The following UCN3 variants were observed in gnomAD, a reference collection of about 807,000 sequenced individuals.
UCN3 encodes the protein urocortin-3.
In UCN3, 3 loss-of-function variants were observed where a neutral mutation model predicts 3.6. That is an observed-to-expected ratio of 0.83 (90% CI 0.38 to 2.15). UCN3 has a LOEUF of 2.15. Ranked by LOEUF, UCN3 falls within the 30% of genes most tolerant of loss-of-function variation. UCN3 has a pLI of 0.06. For missense variants in UCN3, 206 were observed against 208.3 expected, an observed-to-expected ratio of 0.99 and a Z score of 0.07; for synonymous variants, 100 against 93.2, an observed-to-expected ratio of 1.07 and a Z score of -0.42.
At chr10:5,372,223 G>C (rs1554811616) in intron 1 of UCN3, among the ~76,000 whole-genome samples, 21 of 152,218 alleles carry the variant, frequency 1.4e-4, no homozygotes, top group African/African-American at 5.1e-4. Context: ...ACTGCAGAAT[G>C]GTGGGTTTGA....
At chr10:5,369,600 A>G (rs1831304909) in intron 1 of UCN3, among the ~76,000 whole-genome samples, 1 of 152,252 alleles carries the variant, frequency 6.6e-6, no homozygotes, top group Non-Finnish European at 1.5e-5. Context: ...TCGCCAGGCA[A>G]CATGCCCAGA....
intron 1 of UCN3, among the ~76,000 whole-genome samples, chr10:5,370,082 TGTATATGC>T (rs1831335719): frequency 3.9e-5 from 5 of 128,918 alleles, no homozygotes; most frequent in Non-Finnish European, 8.5e-5. Context: ...TATATGCGTG[TGTATATGC>T]GTGTGTATAT....
chr10:5,370,655 ATGTGTGTG>A (rs1277584252), intron 1 of UCN3, among the ~76,000 whole-genome samples: 3 of 56,780 alleles, frequency 5.3e-5, no homozygotes, highest in African/African-American at 1.2e-4. Context: ...ATGTGTGTGT[ATGTGTGTG>A]TATGTGTGTG....
chr10:5,373,797 T>C lies in UCN3; in HGVS notation c.77T>C (p.Phe26Ser), dbSNP rs1423516173. Reference protein sequence around the residue: ...GGPRTGLPHKFYKAKPIFSCL... With the variant: ...GGPRTGLPHKSYKAKPIFSCL... ...CCCAGGACAGGCCTCCCCCACAAGT[T>C]CTACAAAGCCAAGCCCATCTTCAGC... Residue 26 changes from phenylalanine (F) to serine (S), a missense_variant, in exon 2 of 2, where the codon TTC becomes TCC. Coordinates refer to ENST00000380433, the MANE Select transcript of UCN3 (RefSeq NM_053049.4). The C allele has an allele frequency of 6.2e-7, 1 of 1,613,580 alleles. No homozygotes were observed. Among genetic ancestry groups the C allele is most frequent in the Non-Finnish European group, 8.5e-7 (1 of 1,179,888 alleles).
At position 5,374,430 on chromosome 10, in the gene UCN3, C is replaced by A; in HGVS notation, c.*224C>A. 1.8e-6 allele frequency: 1 copy of A among 541,822 alleles called. No homozygotes were observed. The highest frequency in any genetic ancestry group is 3.3e-6 in the Non-Finnish European group (1 of 303,434). The allele number at this position is 541,822 out of a possible 1,614,324, so 33.6% of individuals were successfully genotyped here. A position where few individuals can be genotyped will look rare whatever the true frequency, so the allele number is the denominator to read the frequency against. Reference sequence around the variant, plus strand: ...GTACACACAGAAGTGCAGTATTGTCCAACCTTCCCAGACACAAAGCAGCTA... The same window carrying A: ...GTACACACAGAAGTGCAGTATTGTCAAACCTTCCCAGACACAAAGCAGCTA... On this transcript the variant is annotated 3_prime_UTR_variant, in exon 2 of 2. Coordinates refer to ENST00000380433, the MANE Select transcript of UCN3 (RefSeq NM_053049.4).
intron 1 of UCN3, among the ~76,000 whole-genome samples, chr10:5,369,862 G>GGGGTGTGTGTGT (rs1831314051): frequency 1.0e-5 from 1 of 99,520 alleles, no homozygotes; most frequent in African/African-American, 3.8e-5. Context: ...TATCCACGTG[G>GGGGTGTGTGTGT]GTGTGTGTGT....
In UCN3 at chr10:5,369,927, G is replaced by GTGTGTGTGTGTA. The variant is rs1564442094; in HGVS notation, c.-6-3778_-6-3767dup. ...TGTGTGTGTGTATATGTGTGTGTAT[G>GTGTGTGTGTGTA]TGTGTGTGTGTATGTGTGTGTATAT... On this transcript the variant is annotated intron_variant, in intron 1 of 1. Coordinates refer to ENST00000380433, the MANE Select transcript of UCN3 (RefSeq NM_053049.4). Among the ~76,000 whole-genome samples, 5 of 61,986 alleles carry GTGTGTGTGTGTA rather than the reference G, an allele frequency of 8.1e-5. 1 individual carries two copies. Among genetic ancestry groups the GTGTGTGTGTGTA allele is most frequent in the Non-Finnish European group, 1.2e-4 (4 of 33,348 alleles). 40.7% of individuals were successfully genotyped at this position (61,986 alleles called of 152,430 possible).
rs1401757491 is a variant in UCN3 at position 5,368,949 on chromosome 10, CTCAGCA to C, written c.-7+3729_-7+3734del. On this transcript the variant is annotated intron_variant, in intron 1 of 1. Coordinates refer to ENST00000380433, the MANE Select transcript of UCN3 (RefSeq NM_053049.4). Reference sequence around the variant, plus strand: ...GGTTCTCAGAGTGTGGCCCTCAGACCTCAGCATCAGCATCACGTGGGACTGTGCTAG... The same window carrying C: ...GGTTCTCAGAGTGTGGCCCTCAGACCTCAGCATCACGTGGGACTGTGCTAG... 5.3e-5 allele frequency among the ~76,000 whole-genome samples: 8 copies of C among 152,140 alleles called. No individual in the cohort carries two copies. The South Asian group carries it at 1.0e-3, about 20-fold the overall frequency.
chr10:5,366,483 T>C lies in UCN3; in HGVS notation c.-7+1253T>C, dbSNP rs1834118581. On this transcript the variant is annotated intron_variant, in intron 1 of 1. Coordinates refer to ENST00000380433, the MANE Select transcript of UCN3 (RefSeq NM_053049.4). The surrounding 1 kb of genome is among the most constrained non-coding windows in gnomAD (Gnocchi z 4.2). Reference sequence around the variant, plus strand: ...TCCAAGGAATGTAAAAGGAGAAACTTGCAAAATTAGACTTTATGTGGGAAG... The same window carrying C: ...TCCAAGGAATGTAAAAGGAGAAACTCGCAAAATTAGACTTTATGTGGGAAG... 6.6e-6 allele frequency among the ~76,000 whole-genome samples: 1 copy of C among 152,234 alleles called. No individual in the cohort carries two copies. The highest frequency in any genetic ancestry group is 6.5e-5 in the Admixed American group (1 of 15,282).
At chr10:5,371,049 G>T (rs1483785222) in intron 1 of UCN3, among the ~76,000 whole-genome samples, 1 of 150,550 alleles carries the variant, frequency 6.6e-6, no homozygotes, top group Non-Finnish European at 1.5e-5. Flanking sequence ...ATATGTATGT[G>T]TGTGTATGTA....
At position 5,370,649 on chromosome 10, in the gene UCN3, GTGTGTA is replaced by G. The variant is rs1374939172; in HGVS notation, c.-6-3060_-6-3055del. Among the ~76,000 whole-genome samples the G allele has an allele frequency of 1.7e-3, 125 of 73,592 alleles. 22 individuals carry two copies. Among genetic ancestry groups the G allele is most frequent in the African/African-American group, 6.7e-3 (97 of 14,462 alleles). The allele number at this position is 73,592 out of a possible 152,430, so 48.3% of individuals were successfully genotyped here. On this transcript the variant is annotated intron_variant, in intron 1 of 1. Coordinates refer to ENST00000380433, the MANE Select transcript of UCN3 (RefSeq NM_053049.4). The stretch of plus-strand genomic sequence containing the variant: ...TGCGTGTGTATGTGTGTGTATATGT[GTGTGTA>G]TGTGTGTGTATGTGTGTGTATGTGT...
At chr10:5,370,085 A>G (rs797043290) in intron 1 of UCN3, among the ~76,000 whole-genome samples, 30 of 63,610 alleles carry the variant, frequency 4.7e-4, no homozygotes, top group Admixed American at 7.8e-4. Flanking sequence ...ATGCGTGTGT[A>G]TATGCGTGTG....
chr10:5,369,927 G>GTA (rs1831322336), intron 1 of UCN3, among the ~76,000 whole-genome samples: 1 of 61,986 alleles, frequency 1.6e-5, no homozygotes, highest in South Asian at 8.5e-4. Flanking sequence ...GTGTGTGTAT[G>GTA]TGTGTGTGTG....
At chr10:5,373,006 A>G (rs1207868477) in intron 1 of UCN3, among the ~76,000 whole-genome samples, 2 of 152,048 alleles carry the variant, frequency 1.3e-5, no homozygotes, top group African/African-American at 4.8e-5. Flanking sequence ...CATCTTAGAG[A>G]TCATAGACAG....
chr10:5,370,846 TGTGC>T (rs1365039019), intron 1 of UCN3, among the ~76,000 whole-genome samples: 7 of 93,872 alleles, frequency 7.5e-5, no homozygotes, highest in Non-Finnish European at 1.3e-4. Context: ...TGCGCGTGTG[TGTGC>T]GCGTGTGTGT....
At chr10:5,370,815 G>A (rs1174884080) in intron 1 of UCN3, among the ~76,000 whole-genome samples, 51 of 100,582 alleles carry the variant, frequency 5.1e-4, no homozygotes, top group Middle Eastern at 0.011. Flanking sequence ...GTGTGTGTGC[G>A]TGTGTGTGCG....
Position 5,367,054 on chromosome 10 carries a change from C to G in UCN3, c.-7+1824C>G, listed in dbSNP as rs1834124919. 1.3e-5 allele frequency among the ~76,000 whole-genome samples: 2 copies of G among 152,042 alleles called. No homozygotes were observed. The highest frequency in any genetic ancestry group is 2.9e-5 in the Non-Finnish European group (2 of 68,002). On this transcript the variant is annotated intron_variant, in intron 1 of 1. Transcript: ENST00000380433. This position sits in a 1 kb window ranked among gnomAD's most constrained non-coding sequence, Gnocchi z 4.3. The stretch of plus-strand genomic sequence containing the variant: ...AAAGGCACAGTATTTACAAATTGAC[C>G]CCAAAAATGTGAAAAAGTAAATATA...
At chr10:5,372,442 A>G (rs1425688351) in intron 1 of UCN3, among the ~76,000 whole-genome samples, 2 of 152,236 alleles carry the variant, frequency 1.3e-5, no homozygotes, top group Admixed American at 6.5e-5. Context: ...TGATCAGTGA[A>G]CCAGCAAGAG....
Position 5,374,493 on chromosome 10 carries a change from C to T in UCN3, c.*287C>T. On this transcript the variant is annotated 3_prime_UTR_variant, in exon 2 of 2. Transcript: ENST00000380433. ...GTACTCAGCGTCTCCTTCCTCCCTC[C>T]CCACAGCAAGAGGCAAAGTTCATGC... The T allele has an allele frequency of 2.9e-6, 1 of 340,020 alleles. No homozygotes were observed. The highest frequency in any genetic ancestry group is 5.5e-6 in the Non-Finnish European group (1 of 181,708). 21.1% of individuals were successfully genotyped at this position (340,020 alleles called of 1,614,324 possible). A position where few individuals can be genotyped will look rare whatever the true frequency, so the allele number is the denominator to read the frequency against.
Sources: allele counts gnomAD v4.1 joint callset (sites outside exome capture counted in the v4.1 genomes callset), GRCh38; gene constraint gnomAD v4.1.1; non-coding constraint Gnocchi (gnomAD v3.1); transcripts MANE v1.5; gene names NCBI Gene and HGNC (gene_info 2026-07-23, HGNC 2026-07-21).